The following SYNE2 variants were observed in gnomAD, a reference collection of about 807,000 sequenced individuals.
SYNE2 encodes spectrin repeat containing nuclear envelope protein 2, also known as nesprin-2.
In SYNE2, 431 loss-of-function variants were observed where a neutral mutation model predicts 856.3. That is an observed-to-expected ratio of 0.50 (90% CI 0.47 to 0.55). SYNE2 has a LOEUF of 0.55. SYNE2 is among the 20% of genes least tolerant of loss of function. The probability of loss-of-function intolerance (pLI) is 0.00; values close to 1 mark genes in which losing one functional copy is unlikely to be tolerated. For synonymous variants in SYNE2, 2,923 were observed against 2,872.3 expected, an observed-to-expected ratio of 1.02 and a Z score of -0.56; for missense variants, 8,129 against 8,023.2, an observed-to-expected ratio of 1.01 and a Z score of -0.50.
At chr14:64,021,195 T>C (rs2096933383) in intron 35 of SYNE2, 120 bp from the exon 36 acceptor site, 1 of 808,166 alleles carries the variant, frequency 1.2e-6, no homozygotes, top group Non-Finnish European at 2.1e-6. Context: ...CGTAGAGCAA[T>C]GAAAAGAATG....
intron 28 of SYNE2, among the ~76,000 whole-genome samples, chr14:64,000,958 G>A (rs541115145): frequency 2.8e-4 from 42 of 152,258 alleles, no homozygotes; most frequent in Middle Eastern, 6.8e-3. Context: ...AGAACTTAAG[G>A]TCTGCCAAAG....
intron 64 of SYNE2, among the ~76,000 whole-genome samples, chr14:64,106,390 C>T (rs7145538): frequency 0.087 from 13,268 of 152,222 alleles, 1,067 homozygotes; most frequent in African/African-American, 0.21. Context: ...TGGCTCACGC[C>T]TGTAATCCCA....
At chr14:63,985,317 G>A (rs867552537) in intron 18 of SYNE2, among the ~76,000 whole-genome samples, 3 of 126,022 alleles carry the variant, frequency 2.4e-5, no homozygotes, top group South Asian at 2.5e-4. Flanking sequence ...GTGACAGACC[G>A]AGGCTCCATC....
Position 63,964,010 on chromosome 14 carries a change from A to AT in SYNE2, c.990+14dup, listed in dbSNP as rs754502584. 115 of 1,473,244 alleles carry AT rather than the reference A, an allele frequency of 7.8e-5. 1 individual carries two copies. The African/African-American group carries it at 1.1e-3, about 14-fold the overall frequency. The allele number at this position is 1,473,244 out of a possible 1,614,324, so 91.3% of individuals were successfully genotyped here. A position where few individuals can be genotyped will look rare whatever the true frequency, so the allele number is the denominator to read the frequency against. ...CTTTAAAAAGTATAATGTAAGTATG[A>AT]TTTTAAACAGCTGTTTGTAATTTAC... On this transcript the variant is annotated intron_variant, in intron 10 of 115. Transcript: ENST00000555002.
intron 32 of SYNE2, 100 bp from the exon 33 acceptor site, chr14:64,016,373 G>A: frequency 1.3e-6 from 1 of 751,520 alleles, no homozygotes; most frequent in Non-Finnish European, 2.2e-6. Flanking sequence ...ATGCTTTGTT[G>A]GGTATTGTTT....
chr14:64,099,116 G>T (rs945409543), intron 63 of SYNE2: 2 of 399,104 alleles, frequency 5.0e-6, no homozygotes, highest in African/African-American at 4.1e-5. Flanking sequence ...AGTTTTGAGA[G>T]CATGCTGTTT....
At chr14:63,772,496 C>A (rs1455905440) in intron 1 of SYNE2, among the ~76,000 whole-genome samples, 1 of 152,120 alleles carries the variant, frequency 6.6e-6, no homozygotes, top group Non-Finnish European at 1.5e-5. Context: ...GTAATCCCAG[C>A]ATTTTGGGAG....
rs1246731937 is a variant in SYNE2, at chr14:64,076,015, A to G, written c.10937A>G (p.Tyr3646Cys). 6.2e-7 allele frequency: 1 copy of G among 1,613,996 alleles called. No individual in the cohort carries two copies. Among genetic ancestry groups the G allele is most frequent in the Non-Finnish European group, 8.5e-7 (1 of 1,179,860 alleles). The change falls in exon 54 of 116, where the codon TAT becomes TGT. Residue 3646 changes from tyrosine to cysteine, a missense_variant. Tyr to Cys is a radical substitution (Grantham distance 194, BLOSUM62 -2). Coordinates refer to ENST00000555002, the MANE Select transcript of SYNE2 (RefSeq NM_182914.3). ...ENIMEKLRIKYSEMYTIVPAE... is the reference protein window; with the variant it reads ...ENIMEKLRIKCSEMYTIVPAE... ...ATTATGGAAAAACTGCGAATCAAGT[A>G]TTCCGAAATGTACACCATAGTCCCT...
At chr14:64,036,467 T>A (rs1567116543) in intron 45 of SYNE2, among the ~76,000 whole-genome samples, 1 of 152,104 alleles carries the variant, frequency 6.6e-6, no homozygotes, top group Non-Finnish European at 1.5e-5. Flanking sequence ...GTATTTTTGG[T>A]AGAGACGGGG....
intron 7 of SYNE2, among the ~76,000 whole-genome samples, chr14:63,952,781 T>C (rs1182386540): frequency 2.6e-5 from 4 of 152,248 alleles, no homozygotes; most frequent in African/African-American, 9.6e-5. Flanking sequence ...TTAAGCTTTT[T>C]TTCCCGTAAG....
At position 63,846,033 on chromosome 14, in the gene SYNE2, C is replaced by T. The variant is rs1353483686; in HGVS notation, c.-304-6468C>T. ...TGCTGGGATTACAGGCGTGAGCCAC[C>T]GTACCTGCCCTTTTTTTTTTTTTTT... On this transcript the variant is annotated intron_variant, in intron 1 of 23. Coordinates refer to the SYNE2 transcript ENST00000674003. Among the ~76,000 whole-genome samples, 8 of 146,364 alleles carry T rather than the reference C, an allele frequency of 5.5e-5. No individual in the cohort carries two copies. The East Asian group carries it at 1.2e-3, about 22-fold the overall frequency.
chr14:64,125,123 C>T lies in SYNE2; in HGVS notation c.13467C>T (p.Asn4489=), dbSNP rs1451200995. The T allele has an allele frequency of 1.1e-5, 17 of 1,614,176 alleles. No individual in the cohort carries two copies. In the Admixed American group the frequency reaches 2.2e-4, roughly 21 times the overall value. Residue 4489 remains asparagine, a synonymous_variant, in exon 71 of 116, where the codon AAC becomes AAT. Coordinates refer to ENST00000555002, the MANE Select transcript of SYNE2 (RefSeq NM_182914.3). ...MGILPSVTMY[N]FRYPTTEELK... is the part of the protein sequence containing the mutation. ...TTCTACCCAGCGTGACTATGTATAA[C>T]TTTAGATACCCAACAACTGAAGAAC... is the stretch of plus-strand genomic sequence containing the variant.
At chr14:63,776,409 A>G (rs1310136321) in intron 1 of SYNE2, among the ~76,000 whole-genome samples, 1 of 152,084 alleles carries the variant, frequency 6.6e-6, no homozygotes, top group Non-Finnish European at 1.5e-5. Flanking sequence ...CCATAATGAA[A>G]ATGTTAAATA....
At chr14:64,098,177 C>T (rs748739196) in intron 62 of SYNE2, 31 bp downstream of exon 62, 12 of 1,608,856 alleles carry the variant, frequency 7.5e-6, no homozygotes, top group African/African-American at 1.3e-5. Context: ...ATGCTGGCCC[C>T]ACACTCCACA....
intron 82 of SYNE2, 45 bp downstream of exon 82, chr14:64,142,133 G>A (rs1251933667): frequency 6.2e-7 from 1 of 1,610,094 alleles, no homozygotes; most frequent in Middle Eastern, 1.7e-4. Flanking sequence ...GAAACAAGAA[G>A]GCTAATCAGA....
intron 11 of SYNE2, among the ~76,000 whole-genome samples, chr14:63,973,047 G>T (rs1009404556): frequency 2.0e-5 from 3 of 151,994 alleles, no homozygotes; most frequent in Non-Finnish European, 4.4e-5. Flanking sequence ...TTGACGTCAG[G>T]AGTTCAAGAC....
At position 63,814,380 on chromosome 14, in the gene SYNE2, A is replaced by C. The variant is rs1349436559; in HGVS notation, c.-304-38121A>C. 2.7e-5 allele frequency among the ~76,000 whole-genome samples: 4 copies of C among 147,400 alleles called. No homozygotes were observed. The East Asian group carries it at 5.8e-4, about 21-fold the overall frequency. On this transcript the variant is annotated intron_variant, in intron 1 of 23. Transcript: ENST00000674003. ...TAGAGAGAAAGAACTAATAGGATAT[A>C]TATTATATATATATCCATAAACATA...
intron 1 of SYNE2, among the ~76,000 whole-genome samples, chr14:63,893,197 T>TA (rs965725833): frequency 2.0e-4 from 30 of 151,054 alleles, no homozygotes; most frequent in Admixed American, 5.9e-4. Flanking sequence ...CTAAATTCTT[T>TA]AAAAAAAAAG....
At chr14:64,056,900 T>G (rs2097275182) in intron 49 of SYNE2, among the ~76,000 whole-genome samples, 1 of 152,140 alleles carries the variant, frequency 6.6e-6, no homozygotes, top group Admixed American at 6.5e-5. Context: ...TTGAACTCCC[T>G]GTTGTACTTT....
Sources: allele counts gnomAD v4.1 joint callset (sites outside exome capture counted in the v4.1 genomes callset), GRCh38; gene constraint gnomAD v4.1.1; transcripts MANE v1.5; gene names NCBI Gene and HGNC (gene_info 2026-07-23, HGNC 2026-07-21).